SNX31: variants seen among roughly 807,000 people sequenced by gnomAD.
SNX31 encodes the protein sorting nexin 31.
A neutral mutation model predicts 65.4 loss-of-function variants in SNX31; 58 were observed. That is an observed-to-expected ratio of 0.89 (90% confidence interval 0.72 to 1.10). The LOEUF (loss-of-function observed/expected upper bound fraction) is 1.10. Ranked by LOEUF, SNX31 falls within the 50% of genes least tolerant of loss-of-function variation. The pLI, the probability that SNX31 is intolerant of heterozygous loss-of-function variation, is 0.00. For synonymous variants in SNX31, 181 were observed against 190.1 expected (o/e 0.95, Z 0.39); for missense variants, 523 against 529.7 (o/e 0.99, Z 0.12).
Position 100,608,574 on chromosome 8 carries a change from C to T in SNX31, c.612-11G>A. 1 of 1,613,558 alleles carries T rather than the reference C, an allele frequency of 6.2e-7. No homozygotes were observed. Among genetic ancestry groups the T allele is most frequent in the Non-Finnish European group, 8.5e-7 (1 of 1,179,618 alleles). ...GATGGAGCCATATACCTGCAAAATT[C>T]AGGAGTGTGAAATTCATTCCTGTGA... On this transcript the variant is annotated splice_polypyrimidine_tract_variant and intron_variant, in intron 7 of 13. Coordinates refer to ENST00000311812, the MANE Select transcript of SNX31 (RefSeq NM_152628.4).
upstream of SNX31, among the ~76,000 whole-genome samples, chr8:100,653,501 G>C (rs1369836583): frequency 1.3e-5 from 2 of 152,192 alleles, no homozygotes; most frequent in Non-Finnish European, 2.9e-5. Context: ...AGAGGAGAAG[G>C]CCACATGAAG....
At chr8:100,649,699 C>A, upstream of SNX31, 1 of 507,866 alleles carries the variant, frequency 2.0e-6, no homozygotes, top group Non-Finnish European at 3.4e-6. Flanking sequence ...GCGCCGCCTC[C>A]CAGTCCCCGC....
intron 2 of SNX31, among the ~76,000 whole-genome samples, chr8:100,644,101 T>C (rs1278440846): frequency 1.3e-5 from 2 of 150,792 alleles, no homozygotes; most frequent in Non-Finnish European, 1.5e-5. Context: ...GAACAGGAGG[T>C]ATGGGTAGGG....
At chr8:100,631,545 C>T (rs140252552) in intron 3 of SNX31, among the ~76,000 whole-genome samples, 2,735 of 149,910 alleles carry the variant, frequency 0.018, 87 homozygotes, top group African/African-American at 0.061. Flanking sequence ...TCAAGCAATT[C>T]TCCTGCCTCA....
At chr8:100,600,200 A>G in intron 9 of SNX31, 149 bp downstream of exon 9, 2 of 652,880 alleles carry the variant, frequency 3.1e-6, no homozygotes, top group Non-Finnish European at 2.7e-6. Context: ...TTCTGTACTC[A>G]GAACAATCAA....
chr8:100,594,805 A>G lies in SNX31; in HGVS notation c.978+1834T>C, dbSNP rs763725340. The stretch of plus-strand genomic sequence containing the variant: ...AATTGCACTTGTGGGCATTTATTCC[A>G]GAAAAATGAAGACTCATGGCCAGGC... On this transcript the variant is annotated intron_variant, in intron 10 of 13. Coordinates refer to ENST00000311812, the MANE Select transcript of SNX31 (RefSeq NM_152628.4). The surrounding 1 kb of genome is among the most constrained non-coding windows in gnomAD (Gnocchi z 4.0). 3.9e-5 allele frequency among the ~76,000 whole-genome samples: 6 copies of G among 152,254 alleles called. No individual in the cohort carries two copies. Among genetic ancestry groups the G allele is most frequent in the Non-Finnish European group, 7.3e-5 (5 of 68,046 alleles).
chr8:100,624,958 C>T (rs1437065905), intron 4 of SNX31, among the ~76,000 whole-genome samples: 1 of 151,914 alleles, frequency 6.6e-6, no homozygotes, highest in Admixed American at 6.6e-5. Flanking sequence ...CGTGCCACTA[C>T]CCCCATCTAA....
chr8:100,657,218 C>A (rs192497182), intron 1 of SNX31, among the ~76,000 whole-genome samples: 1 of 151,928 alleles, frequency 6.6e-6, no homozygotes, highest in African/African-American at 2.4e-5. Flanking sequence ...TTTGGGAGGC[C>A]GAGGCAGGCG....
At chr8:100,580,974 T>A (rs1041330649) in intron 12 of SNX31, among the ~76,000 whole-genome samples, 10 of 151,562 alleles carry the variant, frequency 6.6e-5, no homozygotes, top group Admixed American at 1.3e-4. Context: ...AATGTTACAC[T>A]TTTTTTTTCT....
chr8:100,625,332 A>T lies in SNX31; in HGVS notation c.321+4995T>A, dbSNP rs113260141. 2.6e-4 allele frequency among the ~76,000 whole-genome samples: 40 copies of T among 151,356 alleles called. 1 individual carries two copies. Among genetic ancestry groups the T allele is most frequent in the African/African-American group, 9.7e-4 (40 of 41,330 alleles). ...CCTTGTAGAGAAATGACAGCGGCCC[A>T]TCATTGCATGTGATGGAGGTTTAGA... On this transcript the variant is annotated intron_variant, in intron 4 of 13. Transcript: ENST00000311812. This position sits in a 1 kb window ranked among gnomAD's most constrained non-coding sequence, Gnocchi z 4.2.
intron 5 of SNX31, among the ~76,000 whole-genome samples, chr8:100,617,339 T>A (rs952486622): frequency 3.9e-5 from 6 of 152,092 alleles, no homozygotes; most frequent in African/African-American, 1.4e-4. Context: ...CCAGGCCACA[T>A]CCCTGGCTAA....
rs184106368 is a variant in SNX31 at position 100,617,273 on chromosome 8, C to T, written c.432+347G>A. ...CTGTTTCAGACTCTGCCAAGCCCCACTTTCCTTCCTGCTCCCAACGATGGG... is the reference window on the plus strand; with the variant it reads ...CTGTTTCAGACTCTGCCAAGCCCCATTTTCCTTCCTGCTCCCAACGATGGG... On this transcript the variant is annotated intron_variant, in intron 5 of 13. Coordinates refer to ENST00000311812, the MANE Select transcript of SNX31 (RefSeq NM_152628.4). Among the ~76,000 whole-genome samples, 56 of 152,360 alleles carry T rather than the reference C, an allele frequency of 3.7e-4. 1 individual carries two copies. Among genetic ancestry groups the T allele is most frequent in the Non-Finnish European group, 4.3e-4 (29 of 68,044 alleles).
chr8:100,588,888 C>T lies in SNX31; in HGVS notation c.1070G>A (p.Trp357Ter). The change falls in exon 11 of 14, where the codon TGG becomes TAG. Residue 357 changes from tryptophan to a stop codon, truncating the protein, a stop_gained. Transcript: ENST00000311812. LOFTEE classifies it high-confidence loss of function. The surrounding 1 kb of genome is among the most constrained non-coding windows in gnomAD (Gnocchi z 4.8). ...CACCTGTTTGGTGTAAATAACAAAC[C>T]ACTGCCAGCAACTATCCTCACTGTA... Reference protein sequence around the residue: ...FQYSEDSCWQWFVIYTKQAFL... With the variant: ...FQYSEDSCWQ 1.9e-6 allele frequency: 3 copies of T among 1,613,854 alleles called. No homozygotes were observed. The highest frequency in any genetic ancestry group is 2.2e-5 in the East Asian group (1 of 44,870).
intron 2 of SNX31, among the ~76,000 whole-genome samples, chr8:100,638,394 T>C (rs1356635932): frequency 1.3e-5 from 2 of 152,258 alleles, no homozygotes; most frequent in Non-Finnish European, 2.9e-5. Context: ...ACTTGAAATA[T>C]TGTAATTTGC....
In SNX31 at chr8:100,614,436, C is replaced by A. The variant is rs114485764; in HGVS notation, c.433-1351G>T. ...GCATTCATAAAGACATAAATATAAA[C>A]ACCTTCTTTTGAGAGGAGTGAGCAT... On this transcript the variant is annotated intron_variant, in intron 5 of 13. Transcript: ENST00000311812. This position sits in a 1 kb window ranked among gnomAD's most constrained non-coding sequence, Gnocchi z 5.1. Among the ~76,000 whole-genome samples, 467 of 152,314 alleles carry A rather than the reference C, an allele frequency of 3.1e-3. 3 individuals carry two copies. Among genetic ancestry groups the A allele is most frequent in the African/African-American group, 0.011 (446 of 41,574 alleles).
chr8:100,611,057 T>C (rs530512527), intron 7 of SNX31, among the ~76,000 whole-genome samples: 2 of 152,292 alleles, frequency 1.3e-5, no homozygotes, highest in South Asian at 4.1e-4. Context: ...CAGGCTCCTG[T>C]GTTACTGGAG....
chr8:100,607,484 C>G (rs941217198), intron 8 of SNX31, among the ~76,000 whole-genome samples: 1 of 152,126 alleles, frequency 6.6e-6, no homozygotes, highest in Non-Finnish European at 1.5e-5. Flanking sequence ...GTAGGGCCAA[C>G]TACATAATTT....
chr8:100,574,645 A>AG (rs1280173477), intron 13 of SNX31, among the ~76,000 whole-genome samples: 33 of 151,430 alleles, frequency 2.2e-4, no homozygotes, highest in African/African-American at 6.3e-4. Context: ...AAAAAAAAAA[A>AG]AAGAAGAGGC....
At chr8:100,662,726 C>T (rs1165419279) in intron 1 of SNX31, among the ~76,000 whole-genome samples, 1 of 151,984 alleles carries the variant, frequency 6.6e-6, no homozygotes, top group Non-Finnish European at 1.5e-5. Flanking sequence ...AAATAACTGC[C>T]ATCCTTTCTC....
Sources: allele counts gnomAD v4.1 joint callset (sites outside exome capture counted in the v4.1 genomes callset), GRCh38; gene constraint gnomAD v4.1.1; non-coding constraint Gnocchi (gnomAD v3.1); transcripts MANE v1.5; gene names NCBI Gene and HGNC (gene_info 2026-07-23, HGNC 2026-07-21).